TEK: variants seen among roughly 807,000 people sequenced by gnomAD.
TEK encodes the protein TEK receptor tyrosine kinase, also known as angiopoietin-1 receptor.
A neutral mutation model predicts 131.8 loss-of-function variants in TEK; 43 were observed. The observed-to-expected ratio is 0.33, with a 90% CI of 0.26 to 0.42. The LOEUF is 0.42. Ranked by LOEUF, TEK falls within the 10% of genes least tolerant of loss-of-function variation. TEK has a pLI of 1.00. For synonymous variants in TEK, 580 were observed against 491.6 expected (o/e 1.18, Z -2.38); for missense variants, 1,162 against 1,384.4 (o/e 0.84, Z 2.55).
chr9:27,162,512 G>A (rs1334945938), intron 2 of TEK, among the ~76,000 whole-genome samples: 1 of 152,166 alleles, frequency 6.6e-6, no homozygotes, highest in East Asian at 1.9e-4. Context: ...TGATCCATTA[G>A]AAGAAACAGA....
rs1324481041 is a variant in TEK, at chr9:27,180,377, A to AGGT, written c.1030+10_1030+12dup. Reference sequence around the variant, plus strand: ...CCAGTGTGAGAGAGAAGGTAAAGCAAGGTAACACTGTAGTCAGGGCCATGT... The same window carrying AGGT: ...CCAGTGTGAGAGAGAAGGTAAAGCAAGGTGGTAACACTGTAGTCAGGGCCATGT... On this transcript the variant is annotated intron_variant, in intron 7 of 22. Coordinates refer to ENST00000380036, the MANE Select transcript of TEK (RefSeq NM_000459.5). 1.2e-6 allele frequency: 2 copies of AGGT among 1,611,686 alleles called. No individual in the cohort carries two copies. The highest frequency in any genetic ancestry group is 2.7e-5 in the African/African-American group (2 of 74,868).
chr9:27,208,716 TC>T (rs2131218607), intron 15 of TEK, among the ~76,000 whole-genome samples: 1 of 152,330 alleles, frequency 6.6e-6, no homozygotes, highest in South Asian at 2.1e-4. Context: ...AGAGCTAAAA[TC>T]TAAAAGATGA....
chr9:27,214,694 T>C (rs971150130), intron 18 of TEK, among the ~76,000 whole-genome samples: 2 of 152,244 alleles, frequency 1.3e-5, no homozygotes, highest in Non-Finnish European at 2.9e-5. Flanking sequence ...TACATCCTTT[T>C]ACATAGCTAC....
chr9:27,229,063 C>A, intron 22 of TEK, 95 bp from the exon 23 acceptor site: 1 of 1,090,872 alleles, frequency 9.2e-7, no homozygotes, highest in Non-Finnish European at 1.4e-6. Context: ...ATATGAGTTG[C>A]AACAAACTAA....
At chr9:27,112,770 G>T (rs1821395980) in intron 1 of TEK, among the ~76,000 whole-genome samples, 2 of 152,184 alleles carry the variant, frequency 1.3e-5, no homozygotes, top group African/African-American at 2.4e-5. Context: ...TAGGCTGGAA[G>T]GGTGGAAAAC....
rs1469370222 is a variant in TEK at position 27,206,809 on chromosome 9, A to G, written c.2575+17A>G. Reference sequence around the variant, plus strand: ...GAATGAAAGGTCAGTGGTTGACCAGATAGAGTCAGCATTGCGTGAGGGTGT... The same window carrying G: ...GAATGAAAGGTCAGTGGTTGACCAGGTAGAGTCAGCATTGCGTGAGGGTGT... On this transcript the variant is annotated intron_variant, in intron 15 of 22. Coordinates refer to ENST00000380036, the MANE Select transcript of TEK (RefSeq NM_000459.5). The G allele has an allele frequency of 6.2e-7, 1 of 1,612,248 alleles. No homozygotes were observed. The highest frequency in any genetic ancestry group is 1.7e-4 in the Middle Eastern group (1 of 5,942).
chr9:27,116,872 T>C (rs1821581978), intron 1 of TEK, among the ~76,000 whole-genome samples: 1 of 149,314 alleles, frequency 6.7e-6, no homozygotes, highest in African/African-American at 2.5e-5. Context: ...TTTTTTTTTT[T>C]TTTTTTTGAG....
At chr9:27,144,064 A>C (rs1005140747) in intron 1 of TEK, among the ~76,000 whole-genome samples, 1 of 152,226 alleles carries the variant, frequency 6.6e-6, no homozygotes, top group Non-Finnish European at 1.5e-5. Flanking sequence ...TGGGCAGAAC[A>C]CGAGGTCAAG....
In TEK at chr9:27,169,459, A is replaced by C. The variant is rs1157889600; in HGVS notation, c.476-18A>C. 1.9e-6 allele frequency: 3 copies of C among 1,613,506 alleles called. No homozygotes were observed. The highest frequency in any genetic ancestry group is 2.2e-5 in the East Asian group (1 of 44,862). On this transcript the variant is annotated intron_variant, in intron 3 of 22. Coordinates refer to ENST00000380036, the MANE Select transcript of TEK (RefSeq NM_000459.5). The stretch of plus-strand genomic sequence containing the variant: ...GTTTCAGTGTGACCTACGGTTCTTC[A>C]CTCTTCCCTCTTACTAGGTTCCTTC...
intron 16 of TEK, among the ~76,000 whole-genome samples, chr9:27,209,617 T>C (rs1825528504): frequency 6.6e-6 from 1 of 152,206 alleles, no homozygotes; most frequent in Non-Finnish European, 1.5e-5. Context: ...GAATTGGTAT[T>C]CTGAATGTTA....
chr9:27,118,773 C>G (rs118161892), intron 1 of TEK, among the ~76,000 whole-genome samples: 1,658 of 152,300 alleles, frequency 0.011, 10 homozygotes, highest in Middle Eastern at 0.02. Context: ...TCCCAGCCAA[C>G]TAACAACAGC....
rs112696632 is a variant in TEK, at chr9:27,192,143, A to G, written c.1490-346A>G. On this transcript the variant is annotated intron_variant, in intron 10 of 22. Coordinates refer to ENST00000380036, the MANE Select transcript of TEK (RefSeq NM_000459.5). ...GCAATCAGTGTACATACTTGAAAAC[A>G]GTAGCAATTAAATTATTCTAATTGA... is the stretch of plus-strand genomic sequence containing the variant. Among the ~76,000 whole-genome samples the G allele has an allele frequency of 5.6e-3, 846 of 152,350 alleles. 6 individuals carry two copies. Among genetic ancestry groups the G allele is most frequent in the African/African-American group, 0.019 (777 of 41,584 alleles).
chr9:27,118,196 A>G, intron 1 of TEK, among the ~76,000 whole-genome samples: 1 of 152,162 alleles, frequency 6.6e-6, no homozygotes, highest in South Asian at 2.1e-4. Flanking sequence ...AACAAAAATG[A>G]CTACCCTAGG....
intron 22 of TEK, 126 bp downstream of exon 22, chr9:27,228,431 A>C: frequency 1.3e-6 from 1 of 760,982 alleles, no homozygotes; most frequent in Non-Finnish European, 2.2e-6. Context: ...TATAGAAACA[A>C]AGGATGTCCC....
rs537400510 is a variant in TEK, at chr9:27,172,662, T to C, written c.675T>C (p.Thr225=). ...KWGPECNHLC[T]ACMNNGVCHE... ...GACCTGAATGCAACCATCTCTGTACTGCTTGTATGAACAATGGTGTCTGCC... is the reference window on the plus strand; with the variant it reads ...GACCTGAATGCAACCATCTCTGTACCGCTTGTATGAACAATGGTGTCTGCC... The change falls in exon 5 of 23, where the codon ACT becomes ACC. Residue 225 remains threonine, a synonymous_variant. Transcript: ENST00000380036. The C allele has an allele frequency of 1.2e-6, 2 of 1,613,800 alleles. No homozygotes were observed. The highest frequency in any genetic ancestry group is 4.5e-5 in the East Asian group (2 of 44,860).
In TEK at chr9:27,205,076, A is replaced by G; in HGVS notation, c.2364+11A>G. Reference sequence around the variant, plus strand: ...GCCTTCCAAAACGTGGTAGTGTCTCATCTTCCTACTAGCTAATAAGGGCAA... The same window carrying G: ...GCCTTCCAAAACGTGGTAGTGTCTCGTCTTCCTACTAGCTAATAAGGGCAA... On this transcript the variant is annotated intron_variant, in intron 14 of 22. Transcript: ENST00000380036. 1 of 1,613,786 alleles carries G rather than the reference A, an allele frequency of 6.2e-7. No homozygotes were observed. The highest frequency in any genetic ancestry group is 8.5e-7 in the Non-Finnish European group (1 of 1,179,728).
intron 17 of TEK, 81 bp downstream of exon 17, chr9:27,212,978 G>T: frequency 6.9e-7 from 1 of 1,440,700 alleles, no homozygotes; most frequent in Non-Finnish European, 9.5e-7. Context: ...TGTAGGGTCT[G>T]TCAACCTCTC....
chr9:27,137,091 T>C (rs1822484954), intron 1 of TEK, among the ~76,000 whole-genome samples: 1 of 152,242 alleles, frequency 6.6e-6, no homozygotes, highest in African/African-American at 2.4e-5. Context: ...AATTTTTTTG[T>C]ATTTTCAGTA....
chr9:27,134,864 A>G (rs1204267456), intron 1 of TEK, among the ~76,000 whole-genome samples: 4 of 152,254 alleles, frequency 2.6e-5, no homozygotes, highest in Admixed American at 1.3e-4. Flanking sequence ...GAGTTTTCAG[A>G]AATACGTATG....
Sources: gnomAD v4.1 joint callset for allele counts (sites outside exome capture counted in the v4.1 genomes callset) on GRCh38, gnomAD v4.1.1 for gene constraint, MANE v1.5 for transcripts, NCBI Gene and HGNC (gene_info 2026-07-23, HGNC 2026-07-21) for gene names.